EIF4G3: variants seen among roughly 807,000 people sequenced by gnomAD.
EIF4G3 encodes eukaryotic translation initiation factor 4 gamma 3.
In EIF4G3, 34 loss-of-function variants were observed where a neutral mutation model predicts 186.4. The ratio of observed to expected loss-of-function variants is 0.18; its 90% CI spans 0.14 to 0.24. EIF4G3 has a LOEUF of 0.24. Among genes scored for constraint, EIF4G3 ranks in the 10% least tolerant of loss-of-function variants. The pLI is 1.00. For missense variants in EIF4G3, 1,536 were observed against 1,948.5 expected (o/e 0.79, Z 3.99); for synonymous variants, 673 against 679.5 (o/e 0.99, Z 0.15).
intron 12 of EIF4G3, among the ~76,000 whole-genome samples, chr1:20,959,110 A>C (rs1266854171): frequency 2.0e-5 from 3 of 152,126 alleles, no homozygotes; most frequent in African/African-American, 7.2e-5. Flanking sequence ...CAAAAAGGAG[A>C]AATCTGGGGG....
chr1:21,104,888 AAAT>A (rs1284969936), intron 2 of EIF4G3, among the ~76,000 whole-genome samples: 1 of 152,218 alleles, frequency 6.6e-6, no homozygotes, highest in Non-Finnish European at 1.5e-5. Flanking sequence ...CATAAAAAAA[AAAT>A]GAGATCATGT....
chr1:20,825,400 C>T (rs1456431039), intron 32 of EIF4G3, among the ~76,000 whole-genome samples: 1 of 49,696 alleles, frequency 2.0e-5, no homozygotes, highest in Non-Finnish European at 5.0e-5. Context: ...ACAGCTTTCA[C>T]CCAGGAGTAT....
At chr1:20,823,365 G>A (rs1484942749) in intron 33 of EIF4G3, among the ~76,000 whole-genome samples, 1 of 152,068 alleles carries the variant, frequency 6.6e-6, no homozygotes, top group African/African-American at 2.4e-5. Flanking sequence ...GTGTGTGTGT[G>A]TGTGGCTTTT....
At chr1:20,855,187 G>T in intron 25 of EIF4G3, 116 bp from the exon 26 acceptor site, 1 of 712,570 alleles carries the variant, frequency 1.4e-6, no homozygotes, top group Non-Finnish European at 2.3e-6. Flanking sequence ...AAATTTGTTT[G>T]GAATGCCAAT....
chr1:20,811,507 GCT>G (rs1254361815), intron 35 of EIF4G3, among the ~76,000 whole-genome samples: 1 of 152,164 alleles, frequency 6.6e-6, no homozygotes, highest in African/African-American at 2.4e-5. Flanking sequence ...AATCCAAAAT[GCT>G]CTGAAATTAT....
At chr1:21,049,568 CTT>C (rs903979493) in intron 4 of EIF4G3, among the ~76,000 whole-genome samples, 2 of 152,168 alleles carry the variant, frequency 1.3e-5, no homozygotes, top group African/African-American at 4.8e-5. Context: ...TCTTGACAAA[CTT>C]ATATTCATTA....
At chr1:21,019,500 CATG>C (rs1245104858) in intron 4 of EIF4G3, among the ~76,000 whole-genome samples, 3 of 152,162 alleles carry the variant, frequency 2.0e-5, no homozygotes, top group Admixed American at 2.0e-4. Flanking sequence ...CTGCACAAAA[CATG>C]ATGCCTTTTT....
chr1:20,913,951 C>T (rs2093574791), intron 14 of EIF4G3, among the ~76,000 whole-genome samples: 2 of 151,874 alleles, frequency 1.3e-5, no homozygotes, highest in East Asian at 1.9e-4. Context: ...GGACTACAGG[C>T]GCATGCCGCC....
chr1:21,085,757 G>C (rs140552353), intron 3 of EIF4G3, among the ~76,000 whole-genome samples: 1 of 151,842 alleles, frequency 6.6e-6, no homozygotes, highest in Non-Finnish European at 1.5e-5. Context: ...GGAGTGGCGC[G>C]ATCTTGGCTC....
intron 22 of EIF4G3, among the ~76,000 whole-genome samples, chr1:20,864,036 C>A (rs940071508): frequency 1.3e-5 from 2 of 152,042 alleles, no homozygotes; most frequent in African/African-American, 4.8e-5. Context: ...ATTTCTATAC[C>A]CCTTAAATAG....
rs528764772 is a variant in EIF4G3, at chr1:21,023,394, G to A, written c.-66-20586C>T. ...CCTGATTCTCCTGCCTCAGCCTGCCGAGTGCCTGCGATTGCAGGCACGCGC... is the reference window on the plus strand; with the variant it reads ...CCTGATTCTCCTGCCTCAGCCTGCCAAGTGCCTGCGATTGCAGGCACGCGC... On this transcript the variant is annotated intron_variant, in intron 4 of 36. Coordinates refer to ENST00000602326, the MANE Select transcript of EIF4G3 (RefSeq NM_001391906.1). Among the ~76,000 whole-genome samples, 845 of 149,602 alleles carry A rather than the reference G, an allele frequency of 5.6e-3. 3 individuals are homozygous for A. The highest frequency in any genetic ancestry group is 0.01 in the Non-Finnish European group (679 of 67,204).
At chr1:20,997,065 C>T (rs1187780335) in intron 7 of EIF4G3, among the ~76,000 whole-genome samples, 1 of 151,994 alleles carries the variant, frequency 6.6e-6, no homozygotes, top group Non-Finnish European at 1.5e-5. Flanking sequence ...ATTAAGATAT[C>T]TATTTTCTAT....
At chr1:20,940,187 AAAC>A (rs982176014) in intron 14 of EIF4G3, among the ~76,000 whole-genome samples, 4 of 152,182 alleles carry the variant, frequency 2.6e-5, no homozygotes. Flanking sequence ...GTAACTGACA[AAAC>A]AAGGTCTAAG....
chr1:20,974,430 CT>C (rs1372000034), intron 10 of EIF4G3, among the ~76,000 whole-genome samples: 1 of 152,146 alleles, frequency 6.6e-6, no homozygotes, highest in Non-Finnish European at 1.5e-5. Context: ...GAGGGCTGTG[CT>C]TAACCACATC....
At position 20,810,677 on chromosome 1, in the gene EIF4G3, G is replaced by A; in HGVS notation, c.4744+61C>T. 1.3e-6 allele frequency: 2 copies of A among 1,564,256 alleles called. No individual in the cohort carries two copies. The highest frequency in any genetic ancestry group is 8.8e-7 in the Non-Finnish European group (1 of 1,138,062). On this transcript the variant is annotated intron_variant, in intron 36 of 36. Coordinates refer to ENST00000602326, the MANE Select transcript of EIF4G3 (RefSeq NM_001391906.1). This position sits in a 1 kb window ranked among gnomAD's most constrained non-coding sequence, Gnocchi z 4.1. ...TGTTCGAACCCTAAATCATCTCTAAGTCCTGGCTTGGATAAATCTCACTCA... is the reference window on the plus strand; with the variant it reads ...TGTTCGAACCCTAAATCATCTCTAAATCCTGGCTTGGATAAATCTCACTCA...
chr1:20,978,677 CAAAA>C (rs10603153), intron 10 of EIF4G3, among the ~76,000 whole-genome samples: 7 of 106,308 alleles, frequency 6.6e-5, no homozygotes, highest in South Asian at 3.2e-4. Flanking sequence ...TTTATCAGAT[CAAAA>C]AAAAAAAAAA....
intron 4 of EIF4G3, among the ~76,000 whole-genome samples, chr1:21,035,000 G>A (rs757968101): frequency 6.6e-6 from 1 of 152,120 alleles, no homozygotes; most frequent in Non-Finnish European, 1.5e-5. Context: ...TCCAGGCCCG[G>A]TGAGGGCCTG....
intron 33 of EIF4G3, among the ~76,000 whole-genome samples, chr1:20,819,201 T>C (rs2061717210): frequency 6.6e-6 from 1 of 152,140 alleles, no homozygotes; most frequent in Non-Finnish European, 1.5e-5. Flanking sequence ...TTAAGCAAAC[T>C]GTAAGTCAAG....
intron 2 of EIF4G3, among the ~76,000 whole-genome samples, chr1:21,090,537 A>G (rs966144810): frequency 1.3e-5 from 2 of 152,226 alleles, no homozygotes; most frequent in Admixed American, 6.5e-5. Flanking sequence ...AACTCTCTTC[A>G]AAATAAACCT....
Sources: allele counts gnomAD v4.1 joint callset (sites outside exome capture counted in the v4.1 genomes callset), GRCh38; gene constraint gnomAD v4.1.1; non-coding constraint Gnocchi (gnomAD v3.1); transcripts MANE v1.5; gene names NCBI Gene and HGNC (gene_info 2026-07-23, HGNC 2026-07-21).